TFAM: variants seen among roughly 807,000 people sequenced by gnomAD.
TFAM encodes the protein transcription factor A, mitochondrial.
In TFAM, 13 loss-of-function variants were observed where a neutral mutation model predicts 30.6. That is an observed-to-expected ratio of 0.42 (90% CI 0.28 to 0.67). The LOEUF (loss-of-function observed/expected upper bound fraction) is 0.67. TFAM is among the 30% of genes least tolerant of loss of function. TFAM has a pLI of 0.21. For synonymous variants in TFAM, 106 were observed against 94.8 expected (o/e 1.12, Z -0.69); for missense variants, 231 against 293.7 (o/e 0.79, Z 1.56).
intron 6 of TFAM, 84 bp from the exon 7 acceptor site, chr10:58,394,844 A>C: frequency 7.4e-7 from 1 of 1,355,988 alleles, no homozygotes. Flanking sequence ...ATACAGAAGC[A>C]TTCCAGAAAT....
chr10:58,388,629 C>T, intron 3 of TFAM, 41 bp from the exon 4 acceptor site: 1 of 1,610,478 alleles, frequency 6.2e-7, no homozygotes, highest in Non-Finnish European at 8.5e-7. Flanking sequence ...TTGAATTTGC[C>T]AGCAATGGTT....
chr10:58,392,729 C>T lies in TFAM; in HGVS notation c.538-1629C>T, dbSNP rs1273406183. 1.1e-4 allele frequency among the ~76,000 whole-genome samples: 17 copies of T among 151,326 alleles called. 2 individuals carry two copies. The South Asian group carries it at 1.5e-3, about 13-fold the overall frequency. ...GCAGCCTGTTATACAGGCTGGAGTGCGGTGGCACTATCTCAGCTCACTGCA... is the reference window on the plus strand; with the variant it reads ...GCAGCCTGTTATACAGGCTGGAGTGTGGTGGCACTATCTCAGCTCACTGCA... On this transcript the variant is annotated intron_variant, in intron 5 of 6. Coordinates refer to ENST00000487519, the MANE Select transcript of TFAM (RefSeq NM_003201.3).
At chr10:58,391,924 GTT>G (rs66572009) in intron 5 of TFAM, among the ~76,000 whole-genome samples, 7 of 133,486 alleles carry the variant, frequency 5.2e-5, no homozygotes, top group African/African-American at 1.1e-4. Flanking sequence ...GTTCACTTAG[GTT>G]TTTTTTTTTT....
chr10:58,398,660 T>C lies in TFAM; in HGVS notation c.*3586T>C, dbSNP rs1286196154. On this transcript the variant is annotated 3_prime_UTR_variant, in exon 7 of 7. Transcript: ENST00000487519. ...TAGATTTAAAGTAATTAGAACACTT[T>C]ATTGATTTTTCTGATGTTTTCTGTA... 7 of 152,212 alleles carry C rather than the reference T, an allele frequency of 4.6e-5. No individual in the cohort carries two copies. Among genetic ancestry groups the C allele is most frequent in the Non-Finnish European group, 8.8e-5 (6 of 68,026 alleles). The allele number at this position is 152,212 out of a possible 1,614,324, so 9.4% of individuals were successfully genotyped here.
Position 58,396,984 on chromosome 10 carries a change from T to C in TFAM, c.*1910T>C. ...TAGGATGGGTTTGAGGCCAGAGCAGTCTGGGAGTAGGGGGAAAGAGAAGGA... is the reference window on the plus strand; with the variant it reads ...TAGGATGGGTTTGAGGCCAGAGCAGCCTGGGAGTAGGGGGAAAGAGAAGGA... On this transcript the variant is annotated 3_prime_UTR_variant, in exon 7 of 7. Coordinates refer to ENST00000487519, the MANE Select transcript of TFAM (RefSeq NM_003201.3). The C allele has an allele frequency of 6.6e-6, 1 of 152,360 alleles. No individual in the cohort carries two copies. The highest frequency in any genetic ancestry group is 1.5e-5 in the Non-Finnish European group (1 of 68,074). 9.4% of individuals were successfully genotyped at this position (152,360 alleles called of 1,614,324 possible). A position where few individuals can be genotyped will look rare whatever the true frequency, so the allele number is the denominator to read the frequency against.
Position 58,395,300 on chromosome 10 carries a change from A to G in TFAM, c.*226A>G, listed in dbSNP as rs1840662422. On this transcript the variant is annotated 3_prime_UTR_variant, in exon 7 of 7. Coordinates refer to ENST00000487519, the MANE Select transcript of TFAM (RefSeq NM_003201.3). The stretch of plus-strand genomic sequence containing the variant: ...TTGTGTTTAGGAACTACTGAGGATC[A>G]GAGTAATCCAAGCAAATGTGAATCA... 1.9e-6 allele frequency: 1 copy of G among 515,542 alleles called. No individual in the cohort carries two copies. Among genetic ancestry groups the G allele is most frequent in the Non-Finnish European group, 3.5e-6 (1 of 288,572 alleles). The allele number at this position is 515,542 out of a possible 1,614,324, so 31.9% of individuals were successfully genotyped here. A position where few individuals can be genotyped will look rare whatever the true frequency, so the allele number is the denominator to read the frequency against.
At chr10:58,388,322 G>T in intron 3 of TFAM, 62 bp downstream of exon 3, 1 of 1,380,074 alleles carries the variant, frequency 7.2e-7, no homozygotes, top group African/African-American at 1.4e-5. Context: ...CAATTGTCAT[G>T]TCCTTTAAAG....
Position 58,395,408 on chromosome 10 carries a change from T to A in TFAM, c.*334T>A, listed in dbSNP as rs1412963159. 4 of 300,658 alleles carry A rather than the reference T, an allele frequency of 1.3e-5. No homozygotes were observed. The highest frequency in any genetic ancestry group is 1.9e-5 in the Non-Finnish European group (3 of 160,100). The allele number at this position is 300,658 out of a possible 1,614,324, so 18.6% of individuals were successfully genotyped here. ...CTATGGAAAGAGTACTCTTGTTTCC[T>A]TATATTATGGAGGCAGGAGTTTCGT... On this transcript the variant is annotated 3_prime_UTR_variant, in exon 7 of 7. Transcript: ENST00000487519.
chr10:58,388,786 A>T lies in TFAM; in HGVS notation c.408A>T (p.Lys136Asn). The change falls in exon 4 of 7, where the codon AAA (lysine) becomes AAT (asparagine). Residue 136 changes from lysine (K) to asparagine (N), a missense_variant. Lys to Asn is a moderately conservative substitution (Grantham distance 94, BLOSUM62 0). Transcript: ENST00000487519. The part of the protein sequence containing the change: ...IMSLEKEIMD[K>N]HLKRKAMTKK... ...CTTTGGAAAAAGAAATCATGGACAAACATTTAAAAAGGAAAGCTATGACAA... is the reference window on the plus strand; with the variant it reads ...CTTTGGAAAAAGAAATCATGGACAATCATTTAAAAAGGAAAGCTATGACAA... 1 of 1,612,210 alleles carries T rather than the reference A, an allele frequency of 6.2e-7. No individual in the cohort carries two copies. Among genetic ancestry groups the T allele is most frequent in the Non-Finnish European group, 8.5e-7 (1 of 1,179,084 alleles).
chr10:58,394,441 G>A (rs111401563), intron 6 of TFAM, 27 bp downstream of exon 6: 2 of 1,594,522 alleles, frequency 1.3e-6, no homozygotes, highest in African/African-American at 2.7e-5. Context: ...TTAGTCTCAA[G>A]TGTCTACTTA....
Position 58,386,335 on chromosome 10 carries a change from C to G in TFAM, c.217C>G (p.Pro73Ala). ...ACTACCCATATTTAAAGCTCAGAACCCAGGTAAGGAGTTTTGGGGCATATA... is the reference window on the plus strand; with the variant it reads ...ACTACCCATATTTAAAGCTCAGAACGCAGGTAAGGAGTTTTGGGGCATATA... ...EQLPIFKAQN[P>A]DAKTTELIRR... Residue 73 changes from proline to alanine, a missense_variant, in exon 2 of 7, where the codon CCA becomes GCA. By Grantham distance (27) the Pro-to-Ala change is conservative (BLOSUM62 -1). Coordinates refer to ENST00000487519, the MANE Select transcript of TFAM (RefSeq NM_003201.3). The G allele has an allele frequency of 6.2e-7, 1 of 1,607,288 alleles. No homozygotes were observed. The highest frequency in any genetic ancestry group is 8.5e-7 in the Non-Finnish European group (1 of 1,173,930).
chr10:58,395,359 A>AT lies in TFAM; in HGVS notation c.*285_*286insT, dbSNP rs1564569741. Reference sequence around the variant, plus strand: ...TTGACAAAGGTAAATCAGACTATGAAGTTTTTTTTATACAGGATGATGACT... The same window carrying AT: ...TTGACAAAGGTAAATCAGACTATGAATGTTTTTTTTATACAGGATGATGACT... On this transcript the variant is annotated 3_prime_UTR_variant, in exon 7 of 7. Coordinates refer to ENST00000487519, the MANE Select transcript of TFAM (RefSeq NM_003201.3). 3.7e-4 allele frequency: 147 copies of AT among 400,156 alleles called. No homozygotes were observed. Among genetic ancestry groups the AT allele is most frequent in the African/African-American group, 2.4e-3 (121 of 49,572 alleles). 24.8% of individuals were successfully genotyped at this position (400,156 alleles called of 1,614,324 possible).
Position 58,399,045 on chromosome 10 carries a change from CAAAT to C in TFAM, c.*3975_*3978del, listed in dbSNP as rs1840741158. ...TAGTGTCAGTCTCTCTCATTGTTCA[CAAAT>C]AAAGGACTTTTGTTAATTGATTAAA... is the stretch of plus-strand genomic sequence containing the variant. On this transcript the variant is annotated 3_prime_UTR_variant, in exon 7 of 7. Coordinates refer to ENST00000487519, the MANE Select transcript of TFAM (RefSeq NM_003201.3). 1.3e-5 allele frequency: 2 copies of C among 152,232 alleles called. No individual in the cohort carries two copies. Among genetic ancestry groups the C allele is most frequent in the South Asian group, 2.1e-4 (1 of 4,820 alleles). The allele number at this position is 152,232 out of a possible 1,614,324, so 9.4% of individuals were successfully genotyped here. A position where few individuals can be genotyped will look rare whatever the true frequency, so the allele number is the denominator to read the frequency against.
At chr10:58,388,133 A>G in intron 2 of TFAM, 57 bp from the exon 3 acceptor site, 2 of 1,379,108 alleles carry the variant, frequency 1.5e-6, no homozygotes, top group Non-Finnish European at 2.1e-6. Flanking sequence ...TATCTTTAGA[A>G]ATTAATCCTG....
chr10:58,386,627 A>G (rs2132349818), intron 2 of TFAM: 1 of 1,195,836 alleles, frequency 8.4e-7, no homozygotes, highest in East Asian at 5.2e-5. Context: ...AGGACCACTG[A>G]TGAATTATTT....
At chr10:58,391,908 CTGTT>C (rs972543837) in intron 5 of TFAM, among the ~76,000 whole-genome samples, 6 of 147,302 alleles carry the variant, frequency 4.1e-5, no homozygotes, top group African/African-American at 1.5e-4. Flanking sequence ...TTGCTTATGT[CTGTT>C]TGTTCACTTA....
rs764594695 is a variant in TFAM, at chr10:58,386,327, C to T, written c.209C>T (p.Ala70Val). The change falls in exon 2 of 7, where the codon GCT becomes GTT. Residue 70 changes from alanine to valine, a missense_variant. Coordinates refer to ENST00000487519, the MANE Select transcript of TFAM (RefSeq NM_003201.3). The part of the protein sequence containing the change: ...FSKEQLPIFK[A>V]QNPDAKTTEL... Reference sequence around the variant, plus strand: ...AAAGAACAACTACCCATATTTAAAGCTCAGAACCCAGGTAAGGAGTTTTGG... The same window carrying T: ...AAAGAACAACTACCCATATTTAAAGTTCAGAACCCAGGTAAGGAGTTTTGG... 1.2e-6 allele frequency: 2 copies of T among 1,611,812 alleles called. No individual in the cohort carries two copies. Among genetic ancestry groups the T allele is most frequent in the Admixed American group, 1.7e-5 (1 of 60,032 alleles).
At position 58,397,985 on chromosome 10, in the gene TFAM, C is replaced by G. The variant is rs1399203889; in HGVS notation, c.*2911C>G. ...TGTTGCCCAGGCTGGTCTCAAACTC[C>G]TGGCATCAAGCGTTCCTCCTTCCTT... is the stretch of plus-strand genomic sequence containing the variant. On this transcript the variant is annotated 3_prime_UTR_variant, in exon 7 of 7. Transcript: ENST00000487519. 6.6e-6 allele frequency: 1 copy of G among 152,306 alleles called. No homozygotes were observed. The highest frequency in any genetic ancestry group is 1.5e-5 in the Non-Finnish European group (1 of 68,242). 9.4% of individuals were successfully genotyped at this position (152,306 alleles called of 1,614,324 possible).
In TFAM at chr10:58,394,913, T is replaced by C; in HGVS notation, c.595-15T>C. ...AAAATAAGTAAATCATTTTAACAGT[T>C]ATGCTTTTTCTCAGTTATATATTCA... On this transcript the variant is annotated splice_polypyrimidine_tract_variant and intron_variant, in intron 6 of 6. Coordinates refer to ENST00000487519, the MANE Select transcript of TFAM (RefSeq NM_003201.3). The C allele has an allele frequency of 6.2e-7, 1 of 1,608,588 alleles. No individual in the cohort carries two copies. Among genetic ancestry groups the C allele is most frequent in the Non-Finnish European group, 8.5e-7 (1 of 1,176,346 alleles).
Sources: gnomAD v4.1 joint callset for allele counts (sites outside exome capture counted in the v4.1 genomes callset) on GRCh38, gnomAD v4.1.1 for gene constraint, MANE v1.5 for transcripts, NCBI Gene and HGNC (gene_info 2026-07-23, HGNC 2026-07-21) for gene names.